ZNF385D: variants seen among roughly 807,000 people sequenced by gnomAD.
ZNF385D encodes zinc finger protein 659.
Under a neutral mutation model 35.8 loss-of-function variants are expected in ZNF385D, and 15 were observed. That is an observed-to-expected ratio of 0.42 (90% CI 0.28 to 0.64). The LOEUF (loss-of-function observed/expected upper bound fraction) is 0.64, where lower values mean the gene tolerates loss of function less well. ZNF385D is among the 30% of genes least tolerant of loss of function. ZNF385D has a pLI of 0.23. For missense variants in ZNF385D, 474 were observed against 494.6 expected (o/e 0.96, Z 0.39); for synonymous variants, 212 against 186.8 (o/e 1.13, Z -1.10).
chr3:22,248,306 T>C (rs932527190), intron 2 of ZNF385D, among the ~76,000 whole-genome samples: 1 of 152,226 alleles, frequency 6.6e-6, no homozygotes, highest in Non-Finnish European at 1.5e-5. Context: ...TTAAATTTTA[T>C]TCAAGCTTGA....
Position 22,240,599 on chromosome 3 carries a change from G to A in ZNF385D, c.107-71564C>T, listed in dbSNP as rs777874214. On this transcript the variant is annotated intron_variant, in intron 2 of 5. Transcript: ENST00000494108. ...TGGACTGCACAATGTGACCTTCCAG[G>A]GTAAGAAAGATGCCAGGGCCACCTC... Among the ~76,000 whole-genome samples, 76 of 150,956 alleles carry A rather than the reference G, an allele frequency of 5.0e-4. 1 individual carries two copies. The highest frequency in any genetic ancestry group is 2.7e-4 in the Non-Finnish European group (18 of 67,920).
intron 3 of ZNF385D, among the ~76,000 whole-genome samples, chr3:21,556,136 G>T: frequency 7.5e-6 from 1 of 134,038 alleles, no homozygotes; most frequent in East Asian, 2.2e-4. Context: ...TTTATCAGAT[G>T]GATAGATTGC....
At chr3:21,885,927 A>G (rs1007004316) in intron 3 of ZNF385D, among the ~76,000 whole-genome samples, 4 of 152,100 alleles carry the variant, frequency 2.6e-5, no homozygotes, top group African/African-American at 9.7e-5. Context: ...TAAGGTCTTC[A>G]GTTAATTGGA....
intron 2 of ZNF385D, among the ~76,000 whole-genome samples, chr3:22,357,425 TGTG>T (rs1355734582): frequency 1.3e-5 from 2 of 151,862 alleles, no homozygotes; most frequent in African/African-American, 4.8e-5. Flanking sequence ...TTCTTTTTAA[TGTG>T]GTGATTTTAA....
chr3:21,744,868 T>TA (rs1480957492), intron 1 of ZNF385D, among the ~76,000 whole-genome samples: 26 of 149,550 alleles, frequency 1.7e-4, no homozygotes, highest in Admixed American at 2.7e-4. Context: ...AAAAAAATAA[T>TA]AATAAAAAAA....
At chr3:21,817,605 C>T (rs1180797848) in intron 3 of ZNF385D, among the ~76,000 whole-genome samples, 2 of 152,136 alleles carry the variant, frequency 1.3e-5, no homozygotes, top group African/African-American at 4.8e-5. Context: ...CAGAGAAATG[C>T]AAATCAAAGC....
At chr3:21,459,126 C>G (rs1294322649) in intron 4 of ZNF385D, among the ~76,000 whole-genome samples, 1 of 152,024 alleles carries the variant, frequency 6.6e-6, no homozygotes, top group Non-Finnish European at 1.5e-5. Flanking sequence ...GGGTAGATTT[C>G]AGAAGTCTCA....
intron 3 of ZNF385D, among the ~76,000 whole-genome samples, chr3:21,918,326 A>G (rs547720200): frequency 6.6e-6 from 1 of 152,336 alleles, no homozygotes; most frequent in African/African-American, 2.4e-5. Context: ...AAAGAAATGA[A>G]CAATCCAAGA....
chr3:22,132,509 G>A (rs746583789), intron 3 of ZNF385D, among the ~76,000 whole-genome samples: 1 of 152,068 alleles, frequency 6.6e-6, no homozygotes, highest in African/African-American at 2.4e-5. Context: ...ATAAGATATA[G>A]GTAAGTTTCA....
chr3:21,421,427 T>C lies in ZNF385D; in HGVS notation c.975A>G (p.Lys325=), dbSNP rs777551406. 3 of 1,612,754 alleles carry C rather than the reference T, an allele frequency of 1.9e-6. No individual in the cohort carries two copies. Among genetic ancestry groups the C allele is most frequent in the Admixed American group, 3.3e-5 (2 of 59,962 alleles). The part of the protein sequence containing the change: ...HPLGVKLVFS[K]EPSKPLAPRI... ...GTGGAGCCAATGGCTTTGAAGGTTC[T>C]TTTGAAAATACTAATTTTACCTGCA... Residue 325 remains lysine (K), a synonymous_variant, in exon 8 of 8, where the codon AAA becomes AAG. Transcript: ENST00000281523.
intron 3 of ZNF385D, among the ~76,000 whole-genome samples, chr3:21,946,932 A>G (rs1223392876): frequency 6.6e-6 from 1 of 152,222 alleles, no homozygotes; most frequent in Admixed American, 6.5e-5. Flanking sequence ...CAATGTGCAG[A>G]TCTACCATAA....
At chr3:21,640,684 C>A (rs1163396390) in intron 2 of ZNF385D, among the ~76,000 whole-genome samples, 1 of 152,064 alleles carries the variant, frequency 6.6e-6, no homozygotes, top group Non-Finnish European at 1.5e-5. Flanking sequence ...GGCTTTTAAG[C>A]CTCCAGAACT....
intron 2 of ZNF385D, among the ~76,000 whole-genome samples, chr3:22,211,894 A>G (rs945859680): frequency 6.6e-6 from 1 of 151,950 alleles, no homozygotes; most frequent in Non-Finnish European, 1.5e-5. Context: ...TATGTTTTTA[A>G]TTCAACAATA....
chr3:21,672,064 T>C (rs1342216584), intron 1 of ZNF385D, among the ~76,000 whole-genome samples: 2 of 152,178 alleles, frequency 1.3e-5, no homozygotes, highest in African/African-American at 2.4e-5. Flanking sequence ...TGAGCAATTT[T>C]CCTGTTGGGA....
At chr3:22,224,018 G>C (rs1223643419) in intron 2 of ZNF385D, among the ~76,000 whole-genome samples, 2 of 152,186 alleles carry the variant, frequency 1.3e-5, no homozygotes, top group East Asian at 3.9e-4. Flanking sequence ...CCTGTACCCT[G>C]AAATAATACA....
intron 1 of ZNF385D, among the ~76,000 whole-genome samples, chr3:21,711,323 G>A (rs1360568174): frequency 1.3e-5 from 2 of 151,982 alleles, no homozygotes; most frequent in African/African-American, 4.8e-5. Context: ...TTACAGGCAT[G>A]AGCCACCGCG....
At chr3:22,125,050 G>T (rs961647520) in intron 3 of ZNF385D, among the ~76,000 whole-genome samples, 3 of 152,072 alleles carry the variant, frequency 2.0e-5, no homozygotes, top group Admixed American at 2.0e-4. Flanking sequence ...CATAGTTTGA[G>T]ATCTTAGATT....
chr3:22,350,100 C>A (rs1695848267), intron 2 of ZNF385D, among the ~76,000 whole-genome samples: 2 of 152,094 alleles, frequency 1.3e-5, no homozygotes, highest in Non-Finnish European at 2.9e-5. Flanking sequence ...TATGAATTCA[C>A]AATGCTCAAA....
intron 4 of ZNF385D, among the ~76,000 whole-genome samples, chr3:21,498,643 C>A (rs1706110533): frequency 6.6e-6 from 1 of 152,068 alleles, no homozygotes; most frequent in South Asian, 2.1e-4. Flanking sequence ...CAAATCCCAA[C>A]CACAATGAGA....
Sources: gnomAD v4.1 joint callset for allele counts (sites outside exome capture counted in the v4.1 genomes callset) on GRCh38, gnomAD v4.1.1 for gene constraint, MANE v1.5 for transcripts, NCBI Gene and HGNC (gene_info 2026-07-23, HGNC 2026-07-21) for gene names.